The following ARL6IP6 variants were observed in gnomAD, a reference collection of about 807,000 sequenced individuals.
ARL6IP6 encodes ADP-ribosylation factor-like protein 6-interacting protein 6.
Under a neutral mutation model 21.5 loss-of-function variants are expected in ARL6IP6, and 22 were observed. The observed-to-expected ratio is 1.02, with a 90% CI of 0.73 to 1.46. The LOEUF (loss-of-function observed/expected upper bound fraction) is 1.46. ARL6IP6 is among the 40% of genes most tolerant of loss of function. The pLI is 0.00. For missense variants in ARL6IP6, 388 were observed against 299.8 expected (o/e 1.29, Z -2.17); for synonymous variants, 164 against 125.3 (o/e 1.31, Z -2.06).
chr2:152,718,335 G>A (rs959566675), upstream of ARL6IP6: 10 of 341,208 alleles, frequency 2.9e-5, no homozygotes, highest in Non-Finnish European at 4.6e-5. Flanking sequence ...AAGCCCCGCA[G>A]GGAGTGGATA....
intron 3 of ARL6IP6, among the ~76,000 whole-genome samples, chr2:152,736,832 G>C (rs1258500089): frequency 6.6e-6 from 1 of 152,198 alleles, no homozygotes; most frequent in Non-Finnish European, 1.5e-5. Flanking sequence ...AAGTAATCTA[G>C]AGATGATTTA....
At chr2:152,721,137 C>T (rs943203024) in intron 2 of ARL6IP6, among the ~76,000 whole-genome samples, 17 of 151,998 alleles carry the variant, frequency 1.1e-4, no homozygotes, top group African/African-American at 4.1e-4. Flanking sequence ...TGTGTATGTA[C>T]CACACACACT....
At chr2:152,750,221 G>A (rs944272287) in intron 3 of ARL6IP6, among the ~76,000 whole-genome samples, 2 of 152,110 alleles carry the variant, frequency 1.3e-5, no homozygotes, top group Non-Finnish European at 2.9e-5. Context: ...GCTCACGCCT[G>A]TATCCCAGCA....
At chr2:152,740,562 A>G (rs1353404876) in intron 3 of ARL6IP6, among the ~76,000 whole-genome samples, 1 of 151,988 alleles carries the variant, frequency 6.6e-6, no homozygotes, top group Non-Finnish European at 1.5e-5. Flanking sequence ...ATTTCTATAC[A>G]TACAAAATTT....
At chr2:152,722,473 G>C (rs1699833872) in intron 2 of ARL6IP6, among the ~76,000 whole-genome samples, 1 of 152,212 alleles carries the variant, frequency 6.6e-6, no homozygotes. Flanking sequence ...GTTTCCTGGG[G>C]GTTAATTTTA....
chr2:152,731,530 C>T (rs1037784879), intron 2 of ARL6IP6, among the ~76,000 whole-genome samples: 1 of 152,136 alleles, frequency 6.6e-6, no homozygotes, highest in Non-Finnish European at 1.5e-5. Context: ...GTTTTAAAGA[C>T]GCAGTTTAAA....
upstream of ARL6IP6, chr2:152,718,525 C>G: frequency 6.8e-7 from 1 of 1,470,326 alleles, no homozygotes; most frequent in South Asian, 1.5e-5. Context: ...GGCTCTGAGG[C>G]CTGGTGGTAG....
At chr2:152,720,401 A>C (rs1699727580) in intron 1 of ARL6IP6, 132 bp from the exon 2 acceptor site, 2 of 823,704 alleles carry the variant, frequency 2.4e-6, no homozygotes, top group Admixed American at 2.2e-5. Flanking sequence ...TGGTAAATTG[A>C]ATCAGAATTT....
At chr2:152,737,768 A>T (rs1211172082) in intron 3 of ARL6IP6, among the ~76,000 whole-genome samples, 1 of 152,126 alleles carries the variant, frequency 6.6e-6, no homozygotes, top group East Asian at 1.9e-4. Flanking sequence ...CCCTCCCACA[A>T]CACATGGGAA....
intron 3 of ARL6IP6, among the ~76,000 whole-genome samples, chr2:152,748,757 C>T (rs1289524622): frequency 6.6e-6 from 1 of 152,178 alleles, no homozygotes; most frequent in Non-Finnish European, 1.5e-5. Flanking sequence ...ATAAAAGCAT[C>T]TCTGACATGT....
chr2:152,760,948 A>AT lies in ARL6IP6; in HGVS notation c.*1113dup, dbSNP rs1419157567. On this transcript the variant is annotated 3_prime_UTR_variant, in exon 4 of 4. Transcript: ENST00000326446. ...TTGTTTTCTAAGTAATTAAGCCTTA[A>AT]TTTTTCCCCTATGTTACTAAAGACT... 6.6e-6 allele frequency: 1 copy of AT among 152,096 alleles called. No individual in the cohort carries two copies. Among genetic ancestry groups the AT allele is most frequent in the East Asian group, 1.9e-4 (1 of 5,198 alleles). The allele number at this position is 152,096 out of a possible 1,614,324, so 9.4% of individuals were successfully genotyped here. A position where few individuals can be genotyped will look rare whatever the true frequency, so the allele number is the denominator to read the frequency against.
chr2:152,738,530 C>A (rs987116411), intron 3 of ARL6IP6, among the ~76,000 whole-genome samples: 9 of 152,194 alleles, frequency 5.9e-5, no homozygotes, highest in Non-Finnish European at 8.8e-5. Flanking sequence ...TGGAAGTTGC[C>A]AGACCTCAGT....
At chr2:152,740,391 A>G (rs2105145278) in intron 3 of ARL6IP6, among the ~76,000 whole-genome samples, 1 of 152,244 alleles carries the variant, frequency 6.6e-6, no homozygotes, top group South Asian at 2.1e-4. Flanking sequence ...GAGCCACTGC[A>G]CCCAGCCTAG....
intron 3 of ARL6IP6, among the ~76,000 whole-genome samples, chr2:152,746,631 A>C (rs188315993): frequency 6.6e-6 from 1 of 152,216 alleles, no homozygotes; most frequent in Admixed American, 6.5e-5. Context: ...GAGTAAAAAT[A>C]ATGGTACCCT....
chr2:152,719,296 G>A (rs1461731582), intron 1 of ARL6IP6, among the ~76,000 whole-genome samples: 1 of 152,134 alleles, frequency 6.6e-6, no homozygotes, highest in Admixed American at 6.5e-5. Context: ...CTTGAACACT[G>A]GGGATGAAAT....
chr2:152,730,041 A>G (rs548659987), intron 2 of ARL6IP6, among the ~76,000 whole-genome samples: 2 of 152,302 alleles, frequency 1.3e-5, no homozygotes, highest in South Asian at 4.1e-4. Flanking sequence ...CGAATCATAA[A>G]CACTTCTAGA....
intron 3 of ARL6IP6, among the ~76,000 whole-genome samples, chr2:152,745,448 C>G (rs529801920): frequency 1.3e-5 from 2 of 152,078 alleles, no homozygotes; most frequent in Non-Finnish European, 2.9e-5. Context: ...AAATAATATA[C>G]GAGTGTTACA....
chr2:152,721,105 A>AT (rs556583071), intron 2 of ARL6IP6, among the ~76,000 whole-genome samples: 57 of 152,204 alleles, frequency 3.7e-4, no homozygotes, highest in Admixed American at 2.8e-3. Flanking sequence ...AACAATAATA[A>AT]TTTTTTTAAT....
Position 152,718,842 on chromosome 2 carries a change from T to C in ARL6IP6, c.218T>C (p.Leu73Pro). 2.5e-6 allele frequency: 4 copies of C among 1,611,698 alleles called. No homozygotes were observed. The highest frequency in any genetic ancestry group is 3.4e-6 in the Non-Finnish European group (4 of 1,178,698). Residue 73 changes from leucine (L) to proline (P), a missense_variant, in exon 1 of 4, where the codon CTC becomes CCC. By Grantham distance (98) the Leu-to-Pro change is moderately conservative. Coordinates refer to ENST00000326446, the MANE Select transcript of ARL6IP6 (RefSeq NM_152522.7). ...AWSEPRKRSV[L>P]PPDGNGSPVL... ...TCAGAGCCCAGAAAGCGCTCGGTGC[T>C]CCCGCCGGACGGGAACGGGTCGCCC...
Sources: gnomAD v4.1 joint callset for allele counts (sites outside exome capture counted in the v4.1 genomes callset) on GRCh38, gnomAD v4.1.1 for gene constraint, MANE v1.5 for transcripts, NCBI Gene and HGNC (gene_info 2026-07-23, HGNC 2026-07-21) for gene names.